SIPA1L1: variants seen among roughly 807,000 people sequenced by gnomAD.
SIPA1L1 encodes signal induced proliferation associated 1 like 1, also known as signal-induced proliferation-associated 1-like protein 1.
Under a neutral mutation model 162.7 loss-of-function variants are expected in SIPA1L1, and 26 were observed. The ratio of observed to expected loss-of-function variants is 0.16; its 90% CI spans 0.12 to 0.22. SIPA1L1 has a LOEUF of 0.22. Ranked by LOEUF, SIPA1L1 falls within the 10% of genes least tolerant of loss-of-function variation. The pLI is 1.00. For synonymous variants in SIPA1L1, 829 were observed against 837.4 expected, an observed-to-expected ratio of 0.99 and a Z score of 0.17; for missense variants, 1,874 against 2,241.0, an observed-to-expected ratio of 0.84 and a Z score of 3.31.
intron 12 of SIPA1L1, among the ~76,000 whole-genome samples, chr14:71,673,556 T>A (rs1479682468): frequency 6.6e-6 from 1 of 152,196 alleles, no homozygotes; most frequent in Admixed American, 6.5e-5. Context: ...AGGCTATTTG[T>A]GTCTTTTAAA....
At chr14:71,590,250 A>G (rs2035212968) in intron 5 of SIPA1L1, among the ~76,000 whole-genome samples, 1 of 151,888 alleles carries the variant, frequency 6.6e-6, no homozygotes, top group African/African-American at 2.4e-5. Context: ...AGTTTAAGTC[A>G]TCCAGGTAGA....
chr14:71,664,345 A>G (rs1169484587), intron 10 of SIPA1L1, among the ~76,000 whole-genome samples: 1 of 152,176 alleles, frequency 6.6e-6, no homozygotes, highest in Non-Finnish European at 1.5e-5. Flanking sequence ...TTTTATTTAA[A>G]TCTAATTTAA....
chr14:71,411,343 C>CTTA, intron 2 of SIPA1L1, among the ~76,000 whole-genome samples: 1 of 152,310 alleles, frequency 6.6e-6, no homozygotes, highest in South Asian at 2.1e-4. Context: ...TGCACTACAA[C>CTTA]TTCTGAACCT....
At chr14:71,666,720 C>T (rs1277653299) in intron 10 of SIPA1L1, among the ~76,000 whole-genome samples, 1 of 152,054 alleles carries the variant, frequency 6.6e-6, no homozygotes, top group Non-Finnish European at 1.5e-5. Context: ...ACAAAAAGCA[C>T]TTGGAATTAG....
chr14:71,327,453 G>A (rs2033967821), intron 2 of SIPA1L1, among the ~76,000 whole-genome samples: 1 of 152,236 alleles, frequency 6.6e-6, no homozygotes, highest in East Asian at 1.9e-4. Flanking sequence ...AGTTCTTGAT[G>A]CTCTTAGCTG....
chr14:71,487,587 A>G (rs1314118149), intron 2 of SIPA1L1, among the ~76,000 whole-genome samples: 4 of 152,170 alleles, frequency 2.6e-5, no homozygotes, highest in African/African-American at 7.2e-5. Context: ...ATGAGTGTGC[A>G]TGGGTGAGCA....
Position 71,650,467 on chromosome 14 carries a change from C to T in SIPA1L1, c.1951C>T (p.Leu651Phe). 6.2e-7 allele frequency: 1 copy of T among 1,614,152 alleles called. No homozygotes were observed. The highest frequency in any genetic ancestry group is 8.5e-7 in the Non-Finnish European group (1 of 1,180,006). ...TCAACTATTGGGAGAGCGAGTTCGG[C>T]TCAAAGGATTTGAGAAGTATCGAGC... is the stretch of plus-strand genomic sequence containing the variant. ...FLQLLGERVR[L>F]KGFEKYRAQL... is the part of the protein sequence containing the mutation. The change falls in exon 8 of 24, where the codon CTC becomes TTC. Residue 651 changes from leucine (L) to phenylalanine (F), a missense_variant. Around this residue, in one of 5 missense-constraint regions of SIPA1L1, gnomAD observed 685 missense variants for 828.0 expected, o/e 0.83. Transcript: ENST00000381232.
At chr14:71,708,360 C>G (rs1253754274) in intron 16 of SIPA1L1, among the ~76,000 whole-genome samples, 2 of 150,538 alleles carry the variant, frequency 1.3e-5, no homozygotes, top group African/African-American at 4.9e-5. Context: ...CACTCTGTCA[C>G]CAAGGCTGGA....
intron 12 of SIPA1L1, among the ~76,000 whole-genome samples, chr14:71,676,693 T>G (rs2045234354): frequency 6.8e-6 from 1 of 146,662 alleles, no homozygotes; most frequent in Admixed American, 7.0e-5. Context: ...TTCTCATTAT[T>G]CAGTTCCCAC....
At chr14:71,402,525 T>A (rs1389268727) in intron 2 of SIPA1L1, among the ~76,000 whole-genome samples, 1 of 152,040 alleles carries the variant, frequency 6.6e-6, no homozygotes, top group Non-Finnish European at 1.5e-5. Flanking sequence ...ATTTTTGTAT[T>A]TTTAGTAGAG....
At position 71,624,026 on chromosome 14, in the gene SIPA1L1, A is replaced by G. The variant is rs1174309435; in HGVS notation, c.1630-22A>G. ...CATCTCACATCCCAGAAGCCTCACC[A>G]CAGCACCTGTCTCTCTTGCAGCTCA... On this transcript the variant is annotated intron_variant, in intron 6 of 23. Coordinates refer to ENST00000381232, the MANE Select transcript of SIPA1L1 (RefSeq NM_001386936.1). 3.2e-6 allele frequency: 5 copies of G among 1,575,248 alleles called. No individual in the cohort carries two copies. The African/African-American group carries it at 4.0e-5, about 13-fold the overall frequency.
intron 2 of SIPA1L1, among the ~76,000 whole-genome samples, chr14:71,379,062 A>G (rs574652422): frequency 1.3e-5 from 2 of 152,236 alleles, no homozygotes; most frequent in South Asian, 2.1e-4. Flanking sequence ...GAAGTTCTGT[A>G]TCATGAATAG....
intron 2 of SIPA1L1, among the ~76,000 whole-genome samples, chr14:71,375,446 A>T (rs1409606253): frequency 1.3e-5 from 2 of 152,080 alleles, no homozygotes; most frequent in Non-Finnish European, 2.9e-5. Flanking sequence ...TCAGCTTTGT[A>T]TCCTGCAATC....
At position 71,730,064 on chromosome 14, in the gene SIPA1L1, C is replaced by G. The variant is rs774172940; in HGVS notation, c.4624C>G (p.Leu1542Val). The G allele has an allele frequency of 1.9e-6, 3 of 1,613,810 alleles. No homozygotes were observed. Among genetic ancestry groups the G allele is most frequent in the African/African-American group, 2.7e-5 (2 of 74,922 alleles). ...ESQKSFKFHA[L>V]SSPQSPFPST... ...TGATCCTGTTTTTCAGTTCCACGCA[C>G]TCTCCTCTCCTCAGTCTCCTTTCCC... Residue 1542 changes from leucine to valine, a missense_variant, in exon 20 of 24, where the codon CTC (leucine) becomes GTC (valine). Around this residue, in one of 5 missense-constraint regions of SIPA1L1, gnomAD observed 936 missense variants for 1,051.9 expected, o/e 0.89. Transcript: ENST00000381232.
chr14:71,454,368 C>T (rs1182490846), intron 2 of SIPA1L1, among the ~76,000 whole-genome samples: 10 of 151,924 alleles, frequency 6.6e-5, no homozygotes, highest in African/African-American at 1.9e-4. Context: ...CTATCCTGGG[C>T]GCCAGTAATA....
chr14:71,709,394 GC>G lies in SIPA1L1; in HGVS notation c.3942del (p.Ser1315AlafsTer34). On this transcript the variant is annotated frameshift_variant, in exon 17 of 24. Coordinates refer to ENST00000381232, the MANE Select transcript of SIPA1L1 (RefSeq NM_001386936.1). LOFTEE classifies it high-confidence loss of function. The part of the protein sequence containing the change: ...ADSGIDTTSY[G>X]PSHGSTASLG... ...AGTGGCATTGACACCACCTCTTATG[GC>G]CCCAGCCACGGCAGCACAGCCTCGC... 1 of 1,614,102 alleles carries G rather than the reference GC, an allele frequency of 6.2e-7. No homozygotes were observed. The highest frequency in any genetic ancestry group is 8.5e-7 in the Non-Finnish European group (1 of 1,180,024).
At chr14:71,716,729 G>A (rs1316732346) in intron 17 of SIPA1L1, among the ~76,000 whole-genome samples, 1 of 152,200 alleles carries the variant, frequency 6.6e-6, no homozygotes, top group Admixed American at 6.5e-5. Context: ...CCCGCTGAGA[G>A]TAGCATCTTT....
chr14:71,452,772 C>G (rs1452097832), intron 2 of SIPA1L1, among the ~76,000 whole-genome samples: 1 of 152,206 alleles, frequency 6.6e-6, no homozygotes, highest in Non-Finnish European at 1.5e-5. Flanking sequence ...TTGCATCTCC[C>G]TGATGACTAA....
At chr14:71,712,465 A>ATTTAT (rs1317551137) in intron 17 of SIPA1L1, among the ~76,000 whole-genome samples, 1 of 152,008 alleles carries the variant, frequency 6.6e-6, no homozygotes, top group Admixed American at 6.6e-5. Flanking sequence ...TAGGGAGAAA[A>ATTTAT]TTTATTTTAT....
Sources: allele counts gnomAD v4.1 joint callset (sites outside exome capture counted in the v4.1 genomes callset), GRCh38; gene constraint gnomAD v4.1.1; regional missense constraint gnomAD v4.1.1; transcripts MANE v1.5; gene names NCBI Gene and HGNC (gene_info 2026-07-23, HGNC 2026-07-21).